The following TMEM163 variants were observed in gnomAD, a reference collection of about 807,000 sequenced individuals.
TMEM163 encodes the protein transmembrane protein 163.
TMEM163 carries 17 observed loss-of-function variants against 29.3 expected under a neutral mutation model. The ratio of observed to expected loss-of-function variants is 0.58; its 90% confidence interval spans 0.40 to 0.87. The LOEUF (loss-of-function observed/expected upper bound fraction) is 0.87, where lower values mean the gene tolerates loss of function less well. TMEM163 is among the 40% of genes least tolerant of loss of function. TMEM163 has a pLI of 0.00. For missense variants in TMEM163, 303 were observed against 381.5 expected (o/e 0.79, Z 1.71); for synonymous variants, 157 against 160.6 (o/e 0.98, Z 0.17).
At chr2:134,494,043 G>C (rs1679490862) in intron 5 of TMEM163, among the ~76,000 whole-genome samples, 1 of 152,092 alleles carries the variant, frequency 6.6e-6, no homozygotes, top group African/African-American at 2.4e-5. Context: ...ACCGGAACTA[G>C]GCACTGATGA....
chr2:134,481,167 G>A (rs1687044879), intron 5 of TMEM163, among the ~76,000 whole-genome samples: 1 of 152,162 alleles, frequency 6.6e-6, no homozygotes, highest in Admixed American at 6.5e-5. Flanking sequence ...GCAGACATCA[G>A]CTGTTGATTC....
intron 5 of TMEM163, chr2:134,466,781 T>C (rs1376330820): frequency 6.5e-6 from 1 of 153,036 alleles, no homozygotes; most frequent in Non-Finnish European, 1.5e-5. Flanking sequence ...TCTAAAAATA[T>C]CGTCTGCTAC....
chr2:134,488,719 C>G (rs1165329331), intron 5 of TMEM163, among the ~76,000 whole-genome samples: 1 of 152,104 alleles, frequency 6.6e-6, no homozygotes, highest in Non-Finnish European at 1.5e-5. Flanking sequence ...AGAACCCTGA[C>G]TAATACAACA....
At position 134,629,669 on chromosome 2, in the gene TMEM163, A is replaced by G. The variant is rs188073481; in HGVS notation, c.323-77578T>C. On this transcript the variant is annotated intron_variant, in intron 2 of 7. Transcript: ENST00000281924. Reference sequence around the variant, plus strand: ...TGCCCAAACTCTAGGCTACTTTTGCATATTTACTTTTCTAAATAAACTTCA... The same window carrying G: ...TGCCCAAACTCTAGGCTACTTTTGCGTATTTACTTTTCTAAATAAACTTCA... Among the ~76,000 whole-genome samples, 188 of 152,324 alleles carry G rather than the reference A, an allele frequency of 1.2e-3. 2 individuals are homozygous for G. Among genetic ancestry groups the G allele is most frequent in the African/African-American group, 4.1e-3 (170 of 41,582 alleles).
At chr2:134,588,828 G>C (rs1184053174) in intron 2 of TMEM163, among the ~76,000 whole-genome samples, 1 of 152,090 alleles carries the variant, frequency 6.6e-6, no homozygotes, top group Non-Finnish European at 1.5e-5. Context: ...AGGATGGCAA[G>C]TAAACAGGCA....
chr2:134,618,115 GAA>G (rs1682651331), intron 2 of TMEM163, among the ~76,000 whole-genome samples: 1 of 151,674 alleles, frequency 6.6e-6, no homozygotes. Context: ...CCCTGACTCA[GAA>G]AAAATAATGA....
chr2:134,715,817 C>T (rs1045650611), intron 1 of TMEM163, among the ~76,000 whole-genome samples: 7 of 152,216 alleles, frequency 4.6e-5, no homozygotes, highest in East Asian at 1.9e-4. Context: ...CGACAGGCCT[C>T]GGATTTGCAG....
At chr2:134,553,277 C>T (rs1385237671) in intron 2 of TMEM163, among the ~76,000 whole-genome samples, 1 of 152,204 alleles carries the variant, frequency 6.6e-6, no homozygotes, top group Non-Finnish European at 1.5e-5. Context: ...CACAATATCC[C>T]TTCTCTAGGA....
In TMEM163 at chr2:134,460,197, C is replaced by G. The variant is rs1004714868; in HGVS notation, c.668-2024G>C. On this transcript the variant is annotated intron_variant, in intron 6 of 7. Coordinates refer to ENST00000281924, the MANE Select transcript of TMEM163 (RefSeq NM_030923.5). This position sits in a 1 kb window ranked among gnomAD's most constrained non-coding sequence, Gnocchi z 4.3. ...TCTGTCGGTGAGCAGCAGCCAGACT[C>G]TCCCGCAGGAAAGCCCCCGTCACGG... 1.7e-4 allele frequency among the ~76,000 whole-genome samples: 26 copies of G among 151,634 alleles called. No individual in the cohort carries two copies. Among genetic ancestry groups the G allele is most frequent in the African/African-American group, 6.3e-4 (26 of 41,332 alleles).
At chr2:134,470,932 G>GAGGCC (rs1686785821) in intron 5 of TMEM163, among the ~76,000 whole-genome samples, 1 of 152,242 alleles carries the variant, frequency 6.6e-6, no homozygotes. Context: ...AGTGCTTTGA[G>GAGGCC]AGGCCGAGGC....
intron 2 of TMEM163, among the ~76,000 whole-genome samples, chr2:134,616,365 A>G (rs762094901): frequency 1.3e-5 from 2 of 152,188 alleles, no homozygotes; most frequent in Non-Finnish European, 1.5e-5. Flanking sequence ...AAGAGTTCCA[A>G]TGGGAGATCT....
At chr2:134,537,923 C>A (rs1680576660) in intron 4 of TMEM163, among the ~76,000 whole-genome samples, 1 of 152,246 alleles carries the variant, frequency 6.6e-6, no homozygotes, top group Non-Finnish European at 1.5e-5. Context: ...ATACCATTCA[C>A]ACCCACTAGA....
intron 2 of TMEM163, among the ~76,000 whole-genome samples, chr2:134,666,763 C>A (rs986913869): frequency 6.6e-6 from 1 of 152,152 alleles, no homozygotes; most frequent in Non-Finnish European, 1.5e-5. Context: ...AAAAGGAGAT[C>A]GTAATAGTGT....
chr2:134,691,495 T>G (rs1684464548), intron 2 of TMEM163, among the ~76,000 whole-genome samples: 1 of 152,230 alleles, frequency 6.6e-6, no homozygotes, highest in South Asian at 2.1e-4. Flanking sequence ...ATGAATGTTA[T>G]TCATTGTATT....
At chr2:134,666,680 ACAT>A (rs1203896857) in intron 2 of TMEM163, among the ~76,000 whole-genome samples, 1 of 152,188 alleles carries the variant, frequency 6.6e-6, no homozygotes. Context: ...AGGGACTCCC[ACAT>A]TCAAAACCTA....
intron 2 of TMEM163, among the ~76,000 whole-genome samples, chr2:134,621,574 CAA>C (rs781146669): frequency 7.2e-5 from 11 of 152,140 alleles, no homozygotes; most frequent in Non-Finnish European, 1.0e-4. Flanking sequence ...GGAAGCAATC[CAA>C]AGTCTATCAA....
chr2:134,623,847 T>C (rs974329983), intron 2 of TMEM163, among the ~76,000 whole-genome samples: 2 of 152,140 alleles, frequency 1.3e-5, no homozygotes, highest in African/African-American at 4.8e-5. Flanking sequence ...AACAACCTAA[T>C]AGTAAGAATT....
chr2:134,577,336 C>T (rs952611667), intron 2 of TMEM163, among the ~76,000 whole-genome samples: 1 of 152,142 alleles, frequency 6.6e-6, no homozygotes, highest in Non-Finnish European at 1.5e-5. Context: ...CCTATATCAG[C>T]CAAGGTCCCG....
intron 2 of TMEM163, among the ~76,000 whole-genome samples, chr2:134,625,374 T>G (rs1682826192): frequency 1.3e-5 from 2 of 151,052 alleles, no homozygotes; most frequent in Admixed American, 1.3e-4. Context: ...AGTCAGCCAC[T>G]GGCCTTTTTT....
Sources: gnomAD v4.1 joint callset for allele counts (sites outside exome capture counted in the v4.1 genomes callset) on GRCh38, gnomAD v4.1.1 for gene constraint, Gnocchi (gnomAD v3.1) non-coding constraint, MANE v1.5 for transcripts, NCBI Gene and HGNC (gene_info 2026-07-23, HGNC 2026-07-21) for gene names.